Variants in FBXO25 observed in about 807,000 individuals in gnomAD.
FBXO25 encodes the protein F-box protein 25.
A neutral mutation model predicts 51.9 loss-of-function variants in FBXO25; 45 were observed. The ratio of observed to expected loss-of-function variants is 0.87; its 90% CI spans 0.68 to 1.11. The LOEUF (loss-of-function observed/expected upper bound fraction) is 1.11. FBXO25 is among the 50% of genes most tolerant of loss of function. FBXO25 has a pLI of 0.00. For missense variants in FBXO25, 507 were observed against 428.5 expected (o/e 1.18, Z -1.62); for synonymous variants, 199 against 151.0 (o/e 1.32, Z -2.33).
At chr8:454,330 G>A (rs1235705797) in intron 7 of FBXO25, among the ~76,000 whole-genome samples, 1 of 152,184 alleles carries the variant, frequency 6.6e-6, no homozygotes, top group African/African-American at 2.4e-5. Context: ...GCACATCTCT[G>A]TGACTCAGTG....
At chr8:415,675 G>C (rs1294325074) in intron 2 of FBXO25, among the ~76,000 whole-genome samples, 1 of 152,150 alleles carries the variant, frequency 6.6e-6, no homozygotes, top group Admixed American at 6.5e-5. Flanking sequence ...TAGCCAAAAG[G>C]GTGGCCCTGA....
chr8:451,164 T>C (rs2116725788), intron 6 of FBXO25, 105 bp from the exon 7 acceptor site: 1 of 904,644 alleles, frequency 1.1e-6, no homozygotes, highest in East Asian at 2.6e-5. Flanking sequence ...TCACACGTTG[T>C]TTGTCTGTTC....
chr8:458,574 C>A (rs1563095123), intron 8 of FBXO25, 23 bp downstream of exon 8: 3 of 1,610,954 alleles, frequency 1.9e-6, no homozygotes, highest in Non-Finnish European at 2.5e-6. Flanking sequence ...CAGCAGTCTC[C>A]CCTCAGGCTG....
chr8:447,694 T>C (rs1437908296), intron 5 of FBXO25, among the ~76,000 whole-genome samples: 1 of 152,234 alleles, frequency 6.6e-6, no homozygotes, highest in African/African-American at 2.4e-5. Context: ...ATGAAATTCA[T>C]GTATGTTTCA....
In FBXO25 at chr8:474,479, G is replaced by A. The variant is rs994086724; in HGVS notation, c.*5675G>A. 2 of 331,170 alleles carry A rather than the reference G, an allele frequency of 6.0e-6. No homozygotes were observed. The highest frequency in any genetic ancestry group is 1.2e-5 in the Non-Finnish European group (2 of 172,300). 20.5% of individuals were successfully genotyped at this position (331,170 alleles called of 1,614,324 possible). A position where few individuals can be genotyped will look rare whatever the true frequency, so the allele number is the denominator to read the frequency against. On this transcript the variant is annotated 3_prime_UTR_variant, in exon 10 of 10. Transcript: ENST00000350302. ...AATTTCTTAGGGCACTGCCATAAGTGTTTTACACGGTGGCTGCACCATTTT... is the reference window on the plus strand; with the variant it reads ...AATTTCTTAGGGCACTGCCATAAGTATTTTACACGGTGGCTGCACCATTTT...
chr8:462,968 CATCTT>C, intron 8 of FBXO25, 34 bp from the exon 9 acceptor site: 3 of 1,572,758 alleles, frequency 1.9e-6, no homozygotes, highest in Non-Finnish European at 2.6e-6. Flanking sequence ...TTTTGAAAGT[CATCTT>C]ATGCGGATTC....
At chr8:428,976 G>A (rs1797657753) in intron 2 of FBXO25, among the ~76,000 whole-genome samples, 1 of 152,160 alleles carries the variant, frequency 6.6e-6, no homozygotes, top group Admixed American at 6.5e-5. Context: ...ATGTTTATCT[G>A]TTGCAAGTAA....
intron 2 of FBXO25, 66 bp downstream of exon 2, chr8:413,279 C>T: frequency 7.1e-7 from 1 of 1,401,176 alleles, no homozygotes; most frequent in Non-Finnish European, 9.3e-7. Flanking sequence ...ACCTATTTTT[C>T]AAGTCCCTGC....
At chr8:462,363 T>C (rs996345260) in intron 8 of FBXO25, among the ~76,000 whole-genome samples, 6 of 152,366 alleles carry the variant, frequency 3.9e-5, no homozygotes, top group Admixed American at 3.9e-4. Context: ...TAAGTGTTCT[T>C]TATCTATTCT....
chr8:464,302 T>G (rs149559019), intron 9 of FBXO25, among the ~76,000 whole-genome samples: 2,546 of 152,002 alleles, frequency 0.017, 48 homozygotes, highest in Non-Finnish European at 0.028. Flanking sequence ...CACCCTGGAG[T>G]GTGTTTCCAT....
At position 413,160 on chromosome 8, in the gene FBXO25, T is replaced by C; in HGVS notation, c.81T>C (p.Ser27=). The change falls in exon 2 of 10, where the codon TCT becomes TCC. Residue 27 remains serine (S), a synonymous_variant. Transcript: ENST00000350302. The stretch of plus-strand genomic sequence containing the variant: ...AAGATGGCTGGAAGAGATGTGAATC[T>C]TGTAGTCAGAAACTTGAAAGAGAGA... ...KTEDGWKRCE[S]CSQKLERENN... 1 of 1,611,486 alleles carries C rather than the reference T, an allele frequency of 6.2e-7. No individual in the cohort carries two copies. The highest frequency in any genetic ancestry group is 1.7e-4 in the Middle Eastern group (1 of 6,040).
chr8:454,257 C>T (rs1799275297), intron 7 of FBXO25, among the ~76,000 whole-genome samples: 1 of 152,174 alleles, frequency 6.6e-6, no homozygotes, highest in East Asian at 1.9e-4. Flanking sequence ...AACAAATATA[C>T]TTTGCTGTTT....
At position 444,717 on chromosome 8, in the gene FBXO25, G is replaced by A. The variant is rs565152244; in HGVS notation, c.382-5273G>A. ...TCAATGACCGACCGCGTGTAGTGTCGTGGCCACATAAGATTATTTCCTTTT... is the reference window on the plus strand; with the variant it reads ...TCAATGACCGACCGCGTGTAGTGTCATGGCCACATAAGATTATTTCCTTTT... On this transcript the variant is annotated intron_variant, in intron 5 of 9. Coordinates refer to ENST00000350302, the MANE Select transcript of FBXO25 (RefSeq NM_183420.2). Among the ~76,000 whole-genome samples the A allele has an allele frequency of 1.8e-4, 28 of 152,230 alleles. No individual in the cohort carries two copies. In the East Asian group the frequency reaches 4.5e-3, roughly 24 times the overall value.
chr8:420,186 G>A (rs1797064103), intron 2 of FBXO25, among the ~76,000 whole-genome samples: 1 of 152,162 alleles, frequency 6.6e-6, no homozygotes, highest in Admixed American at 6.5e-5. Flanking sequence ...GACTGCCACA[G>A]TGGGCCTAGG....
chr8:439,762 A>G (rs528006431), intron 5 of FBXO25, among the ~76,000 whole-genome samples: 3 of 152,242 alleles, frequency 2.0e-5, no homozygotes, highest in Admixed American at 1.3e-4. Context: ...CAGTATCCCA[A>G]GGATCTCTTA....
At chr8:450,968 C>T (rs947843535) in intron 6 of FBXO25, 12 of 232,736 alleles carry the variant, frequency 5.2e-5, no homozygotes, top group African/African-American at 2.3e-4. Flanking sequence ...TCTGTCTCTA[C>T]GAGTTTGACT....
chr8:412,181 A>T (rs886510218), intron 1 of FBXO25, among the ~76,000 whole-genome samples: 1 of 152,190 alleles, frequency 6.6e-6, no homozygotes, highest in African/African-American at 2.4e-5. Context: ...CAAACTGAAC[A>T]GGCATGTCCT....
chr8:439,648 A>G (rs1798306654), intron 5 of FBXO25, among the ~76,000 whole-genome samples: 1 of 152,066 alleles, frequency 6.6e-6, no homozygotes, highest in African/African-American at 2.4e-5. Context: ...TCTTTATTCA[A>G]AAGTTTCTGT....
At chr8:425,726 C>T (rs1391440093) in intron 2 of FBXO25, among the ~76,000 whole-genome samples, 5 of 151,780 alleles carry the variant, frequency 3.3e-5, no homozygotes, top group Non-Finnish European at 1.5e-5. Context: ...AGCTGTATAT[C>T]TTATATGCAG....
Sources: gnomAD v4.1 joint callset for allele counts (sites outside exome capture counted in the v4.1 genomes callset) on GRCh38, gnomAD v4.1.1 for gene constraint, MANE v1.5 for transcripts, NCBI Gene and HGNC (gene_info 2026-07-23, HGNC 2026-07-21) for gene names.